Variants in ERBB4 observed in about 807,000 individuals in gnomAD.
ERBB4 encodes erb-b2 receptor tyrosine kinase 4.
A neutral mutation model predicts 158.0 loss-of-function variants in ERBB4; 42 were observed. The ratio of observed to expected loss-of-function variants is 0.27; its 90% CI spans 0.21 to 0.34. The LOEUF (loss-of-function observed/expected upper bound fraction) is 0.34, where lower values mean the gene tolerates loss of function less well. ERBB4 is among the 10% of genes least tolerant of loss of function. ERBB4 has a pLI of 1.00. For missense variants in ERBB4, 1,333 were observed against 1,624.1 expected (o/e 0.82, Z 3.08); for synonymous variants, 583 against 558.7 (o/e 1.04, Z -0.61).
At chr2:212,331,404 A>G (rs2088163579) in intron 1 of ERBB4, among the ~76,000 whole-genome samples, 2 of 151,796 alleles carry the variant, frequency 1.3e-5, no homozygotes, top group Admixed American at 6.6e-5. Context: ...GAATCTCGCA[A>G]ACCAAAACTG....
At chr2:211,579,219 G>T (rs2067983719) in intron 19 of ERBB4, among the ~76,000 whole-genome samples, 1 of 151,728 alleles carries the variant, frequency 6.6e-6, no homozygotes, top group Admixed American at 6.6e-5. Context: ...ACACTGAGAT[G>T]TTGAAATGCA....
rs2078283221 is a variant in ERBB4 at position 212,076,661 on chromosome 2, G to T, written c.234+48091C>A. On this transcript the variant is annotated intron_variant, in intron 2 of 27. Transcript: ENST00000342788. ...GCAAGAGGTATGCTAGTTCACAGTTGGCAGGGTAAGAGAAAGGAGTGAGGT... is the reference window on the plus strand; with the variant it reads ...GCAAGAGGTATGCTAGTTCACAGTTTGCAGGGTAAGAGAAAGGAGTGAGGT... Among the ~76,000 whole-genome samples, 3 of 151,822 alleles carry T rather than the reference G, an allele frequency of 2.0e-5. No individual in the cohort carries two copies. The Admixed American group carries it at 2.0e-4, about 10-fold the overall frequency.
chr2:212,309,161 T>C (rs1032716543), intron 1 of ERBB4, among the ~76,000 whole-genome samples: 1 of 150,750 alleles, frequency 6.6e-6, no homozygotes, highest in African/African-American at 2.4e-5. Flanking sequence ...TGGAGAAAAA[T>C]AACTATTTAA....
At chr2:211,737,529 G>T (rs1162123577) in intron 5 of ERBB4, among the ~76,000 whole-genome samples, 1 of 152,154 alleles carries the variant, frequency 6.6e-6, no homozygotes, top group East Asian at 1.9e-4. Flanking sequence ...GTTCTCTGGA[G>T]ATGACTTTAC....
intron 2 of ERBB4, among the ~76,000 whole-genome samples, chr2:212,105,971 C>A (rs139737091): frequency 1.3e-5 from 2 of 152,200 alleles, no homozygotes; most frequent in Non-Finnish European, 2.9e-5. Flanking sequence ...GATTGTAAAG[C>A]CTCCCCAGCC....
At chr2:211,682,497 A>T (rs754065101) in intron 12 of ERBB4, among the ~76,000 whole-genome samples, 25 of 152,158 alleles carry the variant, frequency 1.6e-4, no homozygotes, top group Non-Finnish European at 3.1e-4. Context: ...AATGATATTT[A>T]AAAAAATATC....
At chr2:211,406,993 T>C (rs1295610144) in intron 25 of ERBB4, among the ~76,000 whole-genome samples, 1 of 152,014 alleles carries the variant, frequency 6.6e-6, no homozygotes, top group African/African-American at 2.4e-5. Flanking sequence ...GGTAAGAGGA[T>C]TGCTTGATCC....
At chr2:211,513,627 A>G (rs2065944514) in intron 20 of ERBB4, among the ~76,000 whole-genome samples, 1 of 152,114 alleles carries the variant, frequency 6.6e-6, no homozygotes, top group African/African-American at 2.4e-5. Flanking sequence ...AGCAAATACT[A>G]TTCATCACAA....
At chr2:211,546,675 C>A (rs2066948922) in intron 20 of ERBB4, among the ~76,000 whole-genome samples, 1 of 152,032 alleles carries the variant, frequency 6.6e-6, no homozygotes. Context: ...TGGTGTTGCA[C>A]CCCTTCTAGG....
chr2:212,361,357 A>G (rs936034400), intron 1 of ERBB4, among the ~76,000 whole-genome samples: 1 of 151,678 alleles, frequency 6.6e-6, no homozygotes, highest in Non-Finnish European at 1.5e-5. Context: ...CTGATGAAGC[A>G]GTGACATCTT....
intron 2 of ERBB4, among the ~76,000 whole-genome samples, chr2:211,978,384 G>GTCTTTCTATCTA (rs1452551932): frequency 8.2e-6 from 1 of 121,940 alleles, no homozygotes; most frequent in African/African-American, 3.3e-5. Context: ...CTGTCTGTCT[G>GTCTTTCTATCTA]TCTGTCTGTC....
In ERBB4 at chr2:211,603,222, C is replaced by T. The variant is rs1363917038; in HGVS notation, c.2301+15955G>A. Among the ~76,000 whole-genome samples, 5 of 151,282 alleles carry T rather than the reference C, an allele frequency of 3.3e-5. No homozygotes were observed. In the East Asian group the frequency reaches 9.7e-4, roughly 29 times the overall value. On this transcript the variant is annotated intron_variant, in intron 19 of 27. Coordinates refer to ENST00000342788, the MANE Select transcript of ERBB4 (RefSeq NM_005235.3). Reference sequence around the variant, plus strand: ...CTGCAGCCCGGGCGACAGAGCAAGACTCCGTCTCAATAAATAAATAAATAA... The same window carrying T: ...CTGCAGCCCGGGCGACAGAGCAAGATTCCGTCTCAATAAATAAATAAATAA...
intron 4 of ERBB4, among the ~76,000 whole-genome samples, chr2:211,770,327 T>A (rs1270274784): frequency 6.6e-6 from 1 of 152,200 alleles, no homozygotes; most frequent in African/African-American, 2.4e-5. Flanking sequence ...ACAGAATTTG[T>A]TTAGAAAAAG....
chr2:211,392,907 G>A lies in ERBB4; in HGVS notation c.3136-4915C>T, dbSNP rs764223918. ...CCTGACCTCATGATCCACCTGCCTCGGCCTCCCAAAGTGCTGGGATTACAG... is the reference window on the plus strand; with the variant it reads ...CCTGACCTCATGATCCACCTGCCTCAGCCTCCCAAAGTGCTGGGATTACAG... On this transcript the variant is annotated intron_variant, in intron 25 of 27. Transcript: ENST00000342788. Among the ~76,000 whole-genome samples, 13 of 151,892 alleles carry A rather than the reference G, an allele frequency of 8.6e-5. 1 individual carries two copies. Among genetic ancestry groups the A allele is most frequent in the South Asian group, 4.2e-4 (2 of 4,802 alleles).
chr2:212,267,681 G>A (rs949082420), intron 1 of ERBB4, among the ~76,000 whole-genome samples: 5 of 147,940 alleles, frequency 3.4e-5, no homozygotes, highest in Non-Finnish European at 7.4e-5. Flanking sequence ...CATGTGCCAT[G>A]CTGGTGTGAT....
chr2:212,388,848 T>C (rs548873373), intron 1 of ERBB4, among the ~76,000 whole-genome samples: 2 of 152,246 alleles, frequency 1.3e-5, no homozygotes, highest in South Asian at 2.1e-4. Flanking sequence ...GAAAAGAATT[T>C]ATTTTCTAAT....
At chr2:211,501,839 T>C (rs545226955) in intron 20 of ERBB4, among the ~76,000 whole-genome samples, 3 of 152,228 alleles carry the variant, frequency 2.0e-5, no homozygotes, top group Admixed American at 2.0e-4. Flanking sequence ...TTTATGAACA[T>C]CAGTTACTCT....
chr2:211,941,248 T>TAGGATTAAAAA (rs1375865433), intron 3 of ERBB4, among the ~76,000 whole-genome samples: 1 of 146,376 alleles, frequency 6.8e-6, no homozygotes, highest in African/African-American at 2.7e-5. Flanking sequence ...AAGCTAAGAG[T>TAGGATTAAAAA]ACTCTTAGAT....
rs746700984 is a variant in ERBB4 at position 212,325,376 on chromosome 2, G to A, written c.83-200473C>T. On this transcript the variant is annotated intron_variant, in intron 1 of 27. Transcript: ENST00000342788. Reference sequence around the variant, plus strand: ...ACAGTGAATGAATTGTTTCTCTGAAGAGGATGGGGAAGCTTTCCCATTTAA... The same window carrying A: ...ACAGTGAATGAATTGTTTCTCTGAAAAGGATGGGGAAGCTTTCCCATTTAA... Among the ~76,000 whole-genome samples, 39 of 150,538 alleles carry A rather than the reference G, an allele frequency of 2.6e-4. 4 individuals carry two copies. Among genetic ancestry groups the A allele is most frequent in the South Asian group, 8.5e-4 (4 of 4,698 alleles).
Sources: allele counts gnomAD v4.1 joint callset (sites outside exome capture counted in the v4.1 genomes callset), GRCh38; gene constraint gnomAD v4.1.1; transcripts MANE v1.5; gene names NCBI Gene and HGNC (gene_info 2026-07-23, HGNC 2026-07-21).